The following BRD4 variants were observed in gnomAD, a reference collection of about 807,000 sequenced individuals.
BRD4 encodes bromodomain-containing protein 4.
Under a neutral mutation model 142.1 loss-of-function variants are expected in BRD4, and 16 were observed. The ratio of observed to expected loss-of-function variants is 0.11; its 90% CI spans 0.08 to 0.17. The LOEUF (loss-of-function observed/expected upper bound fraction) is 0.17. Ranked by LOEUF, BRD4 falls within the 10% of genes least tolerant of loss-of-function variation. BRD4 has a pLI of 1.00. For synonymous variants in BRD4, 833 were observed against 707.5 expected (o/e 1.18, Z -2.82); for missense variants, 1,424 against 1,810.9 (o/e 0.79, Z 3.88).
In BRD4 at chr19:15,239,344, C is replaced by G. The variant is rs199514099; in HGVS notation, c.3576+48G>C. Reference sequence around the variant, plus strand: ...AGCTGGGGGTGTGCCCAGCATGGCACCTTCCAGGGCCAAGGGGCAAGCGAC... The same window carrying G: ...AGCTGGGGGTGTGCCCAGCATGGCAGCTTCCAGGGCCAAGGGGCAAGCGAC... On this transcript the variant is annotated intron_variant, in intron 17 of 19. Coordinates refer to ENST00000679869, the MANE Select transcript of BRD4 (RefSeq NM_001379291.1). The surrounding 1 kb of genome is among the most constrained non-coding windows in gnomAD (Gnocchi z 7.4). 1.2e-6 allele frequency: 2 copies of G among 1,614,116 alleles called. No individual in the cohort carries two copies. The highest frequency in any genetic ancestry group is 3.3e-5 in the Admixed American group (2 of 60,020).
intron 1 of BRD4, among the ~76,000 whole-genome samples, chr19:15,324,460 C>T (rs998674279): frequency 2.0e-5 from 3 of 152,214 alleles, no homozygotes; most frequent in Non-Finnish European, 4.4e-5. Context: ...CAAAGTCGAT[C>T]GGCAGTATGC....
chr19:15,305,023 CTTTT>C (rs34235278), intron 1 of BRD4, among the ~76,000 whole-genome samples: 12 of 126,408 alleles, frequency 9.5e-5, no homozygotes, highest in Admixed American at 3.2e-4. Flanking sequence ...TTAAGACCAT[CTTTT>C]TTTTTTTTTT....
chr19:15,309,116 C>T (rs1396095403), intron 1 of BRD4, among the ~76,000 whole-genome samples: 1 of 151,670 alleles, frequency 6.6e-6, no homozygotes, highest in Non-Finnish European at 1.5e-5. Flanking sequence ...GCGAGCAGAT[C>T]ACAAGGTCAG....
chr19:15,283,169 C>T (rs2047717382), intron 1 of BRD4, among the ~76,000 whole-genome samples: 2 of 152,132 alleles, frequency 1.3e-5, no homozygotes, highest in African/African-American at 2.4e-5. Flanking sequence ...ACGGGGGACA[C>T]ACTTGGAGAA....
chr19:15,325,905 G>A (rs576473826), intron 1 of BRD4, among the ~76,000 whole-genome samples: 28 of 149,488 alleles, frequency 1.9e-4, no homozygotes, highest in African/African-American at 6.6e-4. Flanking sequence ...GGCTGAGGCA[G>A]GAGAATCACT....
At position 15,238,237 on chromosome 19, in the gene BRD4, C is replaced by T; in HGVS notation, c.*140G>A. On this transcript the variant is annotated 3_prime_UTR_variant, in exon 20 of 20. Transcript: ENST00000679869. The surrounding 1 kb of genome is among the most constrained non-coding windows in gnomAD (Gnocchi z 7.2). ...CTGCAATCCTCAGCTGCCCGTCAGG[C>T]CTGCCCCGGGCATAGCATGCAGGAG... The T allele has an allele frequency of 7.1e-7, 1 of 1,405,204 alleles. No homozygotes were observed. Among genetic ancestry groups the T allele is most frequent in the Non-Finnish European group, 9.6e-7 (1 of 1,039,864 alleles). The allele number at this position is 1,405,204 out of a possible 1,614,324, so 87.0% of individuals were successfully genotyped here.
At chr19:15,322,697 CAAAAAAAAAA>C (rs78397797) in intron 1 of BRD4, among the ~76,000 whole-genome samples, 2 of 92,266 alleles carry the variant, frequency 2.2e-5, no homozygotes, top group Admixed American at 1.2e-4. Flanking sequence ...CTAAAAAATA[CAAAAAAAAAA>C]AAAAAAAAAA....
At chr19:15,271,409 T>A (rs1281794106) in intron 2 of BRD4, among the ~76,000 whole-genome samples, 1 of 152,214 alleles carries the variant, frequency 6.6e-6, no homozygotes, top group Non-Finnish European at 1.5e-5. Context: ...GTCAACAGGA[T>A]GATCAGGTCG....
intron 1 of BRD4, among the ~76,000 whole-genome samples, chr19:15,331,526 T>G (rs1343941451): frequency 6.6e-6 from 1 of 152,104 alleles, no homozygotes; most frequent in East Asian, 1.9e-4. Flanking sequence ...TGAGAGTGGG[T>G]GCGTCAAGCG....
At chr19:15,321,696 A>G (rs892231595) in intron 1 of BRD4, among the ~76,000 whole-genome samples, 5 of 152,206 alleles carry the variant, frequency 3.3e-5, no homozygotes, top group African/African-American at 7.2e-5. Flanking sequence ...AGAGAAAGAC[A>G]TAAGTAATAC....
intron 1 of BRD4, among the ~76,000 whole-genome samples, chr19:15,311,883 C>T (rs2047974175): frequency 6.6e-6 from 1 of 152,090 alleles, no homozygotes; most frequent in Non-Finnish European, 1.5e-5. Context: ...TAGTCAAACT[C>T]ATAGAAACAG....
intron 2 of BRD4, among the ~76,000 whole-genome samples, chr19:15,269,815 A>C (rs1000909455): frequency 6.6e-6 from 1 of 152,276 alleles, no homozygotes; most frequent in South Asian, 2.1e-4. Context: ...TAAACGTCTT[A>C]AAGTGCCCGA....
At chr19:15,328,933 C>T (rs2048133109) in intron 1 of BRD4, among the ~76,000 whole-genome samples, 1 of 152,178 alleles carries the variant, frequency 6.6e-6, no homozygotes, top group Middle Eastern at 3.2e-3. Context: ...GCCACTATGC[C>T]CGGCTAATTT....
At chr19:15,272,769 G>C in intron 2 of BRD4, 46 bp downstream of exon 2, 1 of 1,562,734 alleles carries the variant, frequency 6.4e-7, no homozygotes, top group Non-Finnish European at 8.7e-7. Flanking sequence ...ACATGCAGGA[G>C]ACGACCTCCA....
intron 1 of BRD4, among the ~76,000 whole-genome samples, chr19:15,291,527 T>C (rs1210870065): frequency 1.3e-5 from 2 of 152,226 alleles, no homozygotes; most frequent in Non-Finnish European, 2.9e-5. Context: ...AGTGAGGCTC[T>C]GTGGTTCCTA....
At chr19:15,259,618 T>C (rs1344173629) in intron 7 of BRD4, among the ~76,000 whole-genome samples, 1 of 152,214 alleles carries the variant, frequency 6.6e-6, no homozygotes, top group Non-Finnish European at 1.5e-5. Context: ...GTCTCTTGGA[T>C]GTGAGAACTC....
At chr19:15,290,627 C>T (rs1290170389) in intron 1 of BRD4, among the ~76,000 whole-genome samples, 1 of 152,154 alleles carries the variant, frequency 6.6e-6, no homozygotes, top group Non-Finnish European at 1.5e-5. Flanking sequence ...ACACCAACCC[C>T]TAGAAAGATG....
rs183217377 is a variant in BRD4 at position 15,291,037 on chromosome 19, A to G, written c.-34-17904T>C. Among the ~76,000 whole-genome samples, 99 of 152,278 alleles carry G rather than the reference A, an allele frequency of 6.5e-4. 2 individuals carry two copies. In the East Asian group the frequency reaches 0.018, roughly 27 times the overall value. On this transcript the variant is annotated intron_variant, in intron 1 of 19. Coordinates refer to ENST00000679869, the MANE Select transcript of BRD4 (RefSeq NM_001379291.1). ...GCACTTCAGACCCTGCAAAACCCCC[A>G]AGTCAATGGGTTATGGTAACTGTGA... is the stretch of plus-strand genomic sequence containing the variant.
In BRD4 at chr19:15,280,388, G is replaced by C; in HGVS notation, c.-34-7255C>G. On this transcript the variant is annotated intron_variant, in intron 1 of 19. Transcript: ENST00000679869. The stretch of plus-strand genomic sequence containing the variant: ...GCCTGCCTTCTCTGCAGAAGCAGCT[G>C]GGTGCCATGTGGCCCATAAGCTGGG... 3.9e-6 allele frequency: 4 copies of C among 1,016,988 alleles called. 1 individual carries two copies. The South Asian group carries it at 1.9e-4, about 47-fold the overall frequency. The allele number at this position is 1,016,988 out of a possible 1,614,324, so 63.0% of individuals were successfully genotyped here.
Sources: allele counts gnomAD v4.1 joint callset (sites outside exome capture counted in the v4.1 genomes callset), GRCh38; gene constraint gnomAD v4.1.1; non-coding constraint Gnocchi (gnomAD v3.1); transcripts MANE v1.5; gene names NCBI Gene and HGNC (gene_info 2026-07-23, HGNC 2026-07-21).